Variants in ALMS1 observed in about 807,000 individuals in gnomAD.
ALMS1 encodes the protein centrosome-associated protein ALMS1.
A neutral mutation model predicts 352.2 loss-of-function variants in ALMS1; 271 were observed. The observed-to-expected ratio is 0.77, with a 90% CI of 0.70 to 0.85. The LOEUF (loss-of-function observed/expected upper bound fraction) is 0.85, where lower values mean the gene tolerates loss of function less well. Ranked by LOEUF, ALMS1 falls within the 40% of genes least tolerant of loss-of-function variation. The pLI, the probability that ALMS1 is intolerant of heterozygous loss-of-function variation, is 0.00. For missense variants in ALMS1, 5,445 were observed against 4,870.7 expected, an observed-to-expected ratio of 1.12 and a Z score of -3.51; for synonymous variants, 1,865 against 1,761.2, an observed-to-expected ratio of 1.06 and a Z score of -1.48.
Position 73,543,957 on chromosome 2 carries a change from C to T in ALMS1, c.9908-6310C>T, listed in dbSNP as rs535170913. On this transcript the variant is annotated intron_variant, in intron 12 of 22. Coordinates refer to ENST00000613296, the MANE Select transcript of ALMS1 (RefSeq NM_001378454.1). ...TCAACCATTGTTGAAGTCAGTGTGG[C>T]GATTCCTCAGGGATCTAGAACTAGA... 2.5e-4 allele frequency among the ~76,000 whole-genome samples: 38 copies of T among 152,248 alleles called. No individual in the cohort carries two copies. In the South Asian group the frequency reaches 7.1e-3, roughly 28 times the overall value.
At chr2:73,544,580 A>G (rs1442401021) in intron 12 of ALMS1, among the ~76,000 whole-genome samples, 2 of 152,230 alleles carry the variant, frequency 1.3e-5, no homozygotes, top group African/African-American at 4.8e-5. Context: ...ACATGGAGAA[A>G]TTGGAACCAT....
chr2:73,509,600 G>C (rs1215842819), intron 10 of ALMS1, among the ~76,000 whole-genome samples: 3 of 152,144 alleles, frequency 2.0e-5, no homozygotes, highest in Non-Finnish European at 2.9e-5. Context: ...ACTCTCTTCT[G>C]GCTTGTAGGG....
chr2:73,389,693 T>A (rs1670603381), intron 1 of ALMS1, among the ~76,000 whole-genome samples: 1 of 151,462 alleles, frequency 6.6e-6, no homozygotes, highest in African/African-American at 2.4e-5. Flanking sequence ...TGAACTATCT[T>A]TTTTTTCCCC....
intron 1 of ALMS1, among the ~76,000 whole-genome samples, chr2:73,395,123 C>G (rs868100566): frequency 7.4e-6 from 1 of 135,134 alleles, no homozygotes; most frequent in East Asian, 2.1e-4. Flanking sequence ...GCTCTGTCAC[C>G]GAGGCTGGAG....
rs952528298 is a variant in ALMS1, at chr2:73,490,918, C to G, written c.8959C>G (p.Leu2987Val). Residue 2987 changes from leucine (L) to valine (V), a missense_variant, in exon 10 of 23, where the codon CTT becomes GTT. By Grantham distance (32) the Leu-to-Val change is conservative (BLOSUM62 1). Coordinates refer to ENST00000613296, the MANE Select transcript of ALMS1 (RefSeq NM_001378454.1). The stretch of plus-strand genomic sequence containing the variant: ...CCAAATGAATAAACACCATTTTCCC[C>G]TTCCTCAAGGTCAGGATTGTGTAGT... ...DDQMNKHHFP[L>V]PQGQDCVVEK... 4 of 1,614,180 alleles carry G rather than the reference C, an allele frequency of 2.5e-6. No homozygotes were observed. The highest frequency in any genetic ancestry group is 1.3e-5 in the African/African-American group (1 of 75,048).
intron 1 of ALMS1, among the ~76,000 whole-genome samples, chr2:73,396,544 T>C (rs1225416802): frequency 7.9e-6 from 1 of 127,094 alleles, no homozygotes; most frequent in Non-Finnish European, 1.6e-5. Flanking sequence ...CAAATGGGTC[T>C]GAGCTCTTTT....
At chr2:73,427,983 G>A (rs1416601062) in intron 6 of ALMS1, among the ~76,000 whole-genome samples, 2 of 151,992 alleles carry the variant, frequency 1.3e-5, no homozygotes, top group Admixed American at 6.6e-5. Flanking sequence ...CAGATTGTTG[G>A]TAGAAAATGA....
chr2:73,405,669 ATGAATTTTT>A (rs1558632360), intron 1 of ALMS1, among the ~76,000 whole-genome samples: 1 of 150,352 alleles, frequency 6.7e-6, no homozygotes. Flanking sequence ...GATTATTGAC[ATGAATTTTT>A]TTTTTTAAAT....
At chr2:73,483,704 G>A (rs1355994888) in intron 9 of ALMS1, among the ~76,000 whole-genome samples, 2 of 150,428 alleles carry the variant, frequency 1.3e-5, no homozygotes, top group Non-Finnish European at 2.9e-5. Context: ...ATGTGTGGGA[G>A]TCTAAGTCTC....
At position 73,451,694 on chromosome 2, in the gene ALMS1, C is replaced by CA. The variant is rs748709116; in HGVS notation, c.5169dup (p.Gln1724ThrfsTer7). The CA allele has an allele frequency of 3.7e-6, 6 of 1,613,898 alleles. No individual in the cohort carries two copies. The highest frequency in any genetic ancestry group is 5.1e-6 in the Non-Finnish European group (6 of 1,179,976). On this transcript the variant is annotated frameshift_variant, in exon 8 of 23. Coordinates refer to ENST00000613296, the MANE Select transcript of ALMS1 (RefSeq NM_001378454.1). LOFTEE classifies it high-confidence loss of function. ...TAGAGAGAAGCCCATTGTCTTCTAC[C>CA]AACAGGCCCTGCCAGACAGTGAGCT... is the stretch of plus-strand genomic sequence containing the variant.
At chr2:73,454,452 G>A (rs1672017759) in intron 8 of ALMS1, 2 of 857,992 alleles carry the variant, frequency 2.3e-6, no homozygotes, top group Non-Finnish European at 2.8e-6. Context: ...TTATTCTGAA[G>A]GCAGAAAGAG....
chr2:73,409,712 A>G (rs1034498337), intron 2 of ALMS1, among the ~76,000 whole-genome samples: 1 of 152,194 alleles, frequency 6.6e-6, no homozygotes, highest in African/African-American at 2.4e-5. Flanking sequence ...TTGGAGATAG[A>G]TACATCTATC....
At chr2:73,467,064 C>G (rs748534215) in intron 9 of ALMS1, among the ~76,000 whole-genome samples, 1 of 151,710 alleles carries the variant, frequency 6.6e-6, no homozygotes, top group Non-Finnish European at 1.5e-5. Flanking sequence ...TCTTGAAAAT[C>G]TCTTCATGAT....
At chr2:73,476,215 T>C (rs1351620905) in intron 9 of ALMS1, among the ~76,000 whole-genome samples, 1 of 152,142 alleles carries the variant, frequency 6.6e-6, no homozygotes, top group East Asian at 1.9e-4. Flanking sequence ...TGTTGTACTA[T>C]ATGTCAGAAT....
At chr2:73,503,855 A>T (rs935568886) in intron 10 of ALMS1, among the ~76,000 whole-genome samples, 2 of 152,164 alleles carry the variant, frequency 1.3e-5, no homozygotes, top group African/African-American at 2.4e-5. Flanking sequence ...CACAGTAGGC[A>T]TGAAAGCTCT....
intron 2 of ALMS1, among the ~76,000 whole-genome samples, chr2:73,415,729 T>C (rs1010305828): frequency 3.9e-5 from 6 of 152,166 alleles, no homozygotes; most frequent in Admixed American, 6.5e-5. Context: ...GAGTGTGATT[T>C]CTCCAGCAAC....
chr2:73,525,236 G>C (rs1390192190), intron 11 of ALMS1, among the ~76,000 whole-genome samples: 1 of 152,136 alleles, frequency 6.6e-6, no homozygotes, highest in Admixed American at 6.5e-5. Flanking sequence ...CAATAAACAT[G>C]GGGTGCAGAT....
chr2:73,559,514 AAAAATTACAAT>A (rs972914368), intron 15 of ALMS1, among the ~76,000 whole-genome samples: 6 of 152,182 alleles, frequency 3.9e-5, no homozygotes, highest in Non-Finnish European at 8.8e-5. Flanking sequence ...CAAACTTTTA[AAAAATTACAAT>A]AAAATCACAT....
Position 73,453,889 on chromosome 2 carries a change from A to G in ALMS1, c.7362A>G (p.Thr2454=). 2 of 1,614,144 alleles carry G rather than the reference A, an allele frequency of 1.2e-6. No individual in the cohort carries two copies. The highest frequency in any genetic ancestry group is 1.7e-6 in the Non-Finnish European group (2 of 1,180,004). Residue 2454 remains threonine, a synonymous_variant, in exon 8 of 23, where the codon ACA becomes ACG. Coordinates refer to ENST00000613296, the MANE Select transcript of ALMS1 (RefSeq NM_001378454.1). The part of the protein sequence containing the change: ...LNFFPYVSPK[T]SITDSREEEG... Reference sequence around the variant, plus strand: ...TCTTTCCATATGTTTCACCCAAGACAAGTATAACAGATAGCAGGGAGGAAG... The same window carrying G: ...TCTTTCCATATGTTTCACCCAAGACGAGTATAACAGATAGCAGGGAGGAAG...
Sources: gnomAD v4.1 joint callset for allele counts (sites outside exome capture counted in the v4.1 genomes callset) on GRCh38, gnomAD v4.1.1 for gene constraint, MANE v1.5 for transcripts, NCBI Gene and HGNC (gene_info 2026-07-23, HGNC 2026-07-21) for gene names.